HIBADH: variants seen among roughly 807,000 people sequenced by gnomAD.
HIBADH encodes the protein 3-hydroxyisobutyrate dehydrogenase, mitochondrial.
Under a neutral mutation model 36.1 loss-of-function variants are expected in HIBADH, and 25 were observed. That is an observed-to-expected ratio of 0.69 (90% CI 0.50 to 0.97). The LOEUF is 0.97. Among genes scored for constraint, HIBADH ranks in the 50% least tolerant of loss-of-function variants. The pLI, the probability that HIBADH is intolerant of heterozygous loss-of-function variation, is 0.00. For missense variants in HIBADH, 421 were observed against 418.0 expected (o/e 1.01, Z -0.06); for synonymous variants, 160 against 149.5 (o/e 1.07, Z -0.51).
chr7:27,559,588 C>T (rs1053572074), intron 4 of HIBADH, among the ~76,000 whole-genome samples: 14 of 152,066 alleles, frequency 9.2e-5, no homozygotes, highest in African/African-American at 3.4e-4. Context: ...GGTATGATCA[C>T]TCCACTGCAG....
chr7:27,639,743 AT>A lies in HIBADH; in HGVS notation c.253-7299del, dbSNP rs1263286405. On this transcript the variant is annotated intron_variant, in intron 2 of 7. Transcript: ENST00000265395. Reference sequence around the variant, plus strand: ...TGATTTTGTTTTTAAATTAAAAAAAATAAAGGGATACGGAAACGTCCACATA... The same window carrying A: ...TGATTTTGTTTTTAAATTAAAAAAAAAAAGGGATACGGAAACGTCCACATA... Among the ~76,000 whole-genome samples the A allele has an allele frequency of 2.6e-5, 4 of 151,830 alleles. No homozygotes were observed. The East Asian group carries it at 5.8e-4, about 22-fold the overall frequency.
intron 4 of HIBADH, among the ~76,000 whole-genome samples, chr7:27,599,680 CAAAAAAA>C (rs3072889): frequency 1.5e-4 from 6 of 41,070 alleles, no homozygotes; most frequent in African/African-American, 5.9e-4. Flanking sequence ...ACTCTGTCTC[CAAAAAAA>C]AAAAAAAAAA....
At chr7:27,656,245 T>C (rs1054417694) in intron 1 of HIBADH, among the ~76,000 whole-genome samples, 3 of 152,220 alleles carry the variant, frequency 2.0e-5, no homozygotes, top group African/African-American at 4.8e-5. Context: ...CTATGGGCCA[T>C]AGCAATCCCT....
At chr7:27,622,271 A>G (rs747482689) in intron 4 of HIBADH, among the ~76,000 whole-genome samples, 20 of 152,216 alleles carry the variant, frequency 1.3e-4, no homozygotes, top group Non-Finnish European at 2.5e-4. Flanking sequence ...AAATAAGAAA[A>G]CATGGAAATT....
At chr7:27,566,308 A>G (rs1464850561) in intron 4 of HIBADH, among the ~76,000 whole-genome samples, 1 of 151,882 alleles carries the variant, frequency 6.6e-6, no homozygotes, top group Non-Finnish European at 1.5e-5. Flanking sequence ...TCTTTTTCAG[A>G]AAGTTTTTAA....
At position 27,577,164 on chromosome 7, in the gene HIBADH, C is replaced by CTTTTTTTTTTTTTTTTTT. The variant is rs35467427; in HGVS notation, c.485-34065_485-34064insAAAAAAAAAAAAAAAAAA. Among the ~76,000 whole-genome samples the CTTTTTTTTTTTTTTTTTT allele has an allele frequency of 2.8e-5, 4 of 143,888 alleles. 2 individuals carry two copies. Among genetic ancestry groups the CTTTTTTTTTTTTTTTTTT allele is most frequent in the African/African-American group, 5.1e-5 (2 of 39,064 alleles). The allele number at this position is 143,888 out of a possible 152,430, so 94.4% of individuals were successfully genotyped here. A position where few individuals can be genotyped will look rare whatever the true frequency, so the allele number is the denominator to read the frequency against. ...TGTGAACTTTCCAAGCATCATTTCT[C>CTTTTTTTTTTTTTTTTTT]TCTTTTTTTTTTTTTTGAGATGGAG... On this transcript the variant is annotated intron_variant, in intron 4 of 7. Transcript: ENST00000265395.
At chr7:27,660,991 A>G (rs117602490) in intron 1 of HIBADH, among the ~76,000 whole-genome samples, 1 of 152,308 alleles carries the variant, frequency 6.6e-6, no homozygotes, top group Non-Finnish European at 1.5e-5. Flanking sequence ...AACAGCAAAT[A>G]TGTCTTCCTT....
At chr7:27,530,213 T>C (rs1783971180) in intron 7 of HIBADH, among the ~76,000 whole-genome samples, 1 of 152,146 alleles carries the variant, frequency 6.6e-6, no homozygotes, top group Admixed American at 6.5e-5. Context: ...TTTCTTTTTT[T>C]TTTTCTATTT....
In HIBADH at chr7:27,650,279, C is replaced by CAAA. The variant is rs35475209; in HGVS notation, c.92-649_92-647dup. 1.2e-4 allele frequency among the ~76,000 whole-genome samples: 16 copies of CAAA among 138,996 alleles called. No homozygotes were observed. In the East Asian group the frequency reaches 2.7e-3, roughly 23 times the overall value. 91.2% of individuals were successfully genotyped at this position (138,996 alleles called of 152,430 possible). A position where few individuals can be genotyped will look rare whatever the true frequency, so the allele number is the denominator to read the frequency against. On this transcript the variant is annotated intron_variant, in intron 1 of 7. Transcript: ENST00000265395. Reference sequence around the variant, plus strand: ...ACAGAAACCATCCCCTCCAATGATACAAAAAAAAAAAAACTCAAAAAGATG... The same window carrying CAAA: ...ACAGAAACCATCCCCTCCAATGATACAAAAAAAAAAAAAAAACTCAAAAAGATG...
intron 4 of HIBADH, among the ~76,000 whole-genome samples, chr7:27,584,132 T>C (rs1044340422): frequency 6.6e-6 from 1 of 152,048 alleles, no homozygotes; most frequent in African/African-American, 2.4e-5. Flanking sequence ...ATTGTGGATA[T>C]CCTTCTTTTA....
intron 4 of HIBADH, among the ~76,000 whole-genome samples, chr7:27,581,577 G>T (rs550644298): frequency 6.6e-6 from 1 of 152,038 alleles, no homozygotes; most frequent in East Asian, 1.9e-4. Flanking sequence ...AGGTTTAATT[G>T]ATAAAAATTT....
chr7:27,563,024 A>G (rs1336897704), intron 4 of HIBADH, among the ~76,000 whole-genome samples: 1 of 152,150 alleles, frequency 6.6e-6, no homozygotes, highest in Non-Finnish European at 1.5e-5. Context: ...ATACGAAATA[A>G]TTCTCTCACC....
rs559008195 is a variant in HIBADH, at chr7:27,564,144, C to T, written c.485-21044G>A. Among the ~76,000 whole-genome samples the T allele has an allele frequency of 1.1e-3, 171 of 152,168 alleles. 1 individual carries two copies. Among genetic ancestry groups the T allele is most frequent in the South Asian group, 5.0e-3 (24 of 4,820 alleles). ...TGATCTCCTGACCTTGTGATCTGCC[C>T]GCCTCAGCCTCCCAAAGTGCTGGGA... On this transcript the variant is annotated intron_variant, in intron 4 of 7. Transcript: ENST00000265395.
intron 4 of HIBADH, among the ~76,000 whole-genome samples, chr7:27,576,218 T>C (rs1784707494): frequency 6.6e-6 from 1 of 152,186 alleles, no homozygotes; most frequent in Non-Finnish European, 1.5e-5. Flanking sequence ...TAAAAGTAAT[T>C]GTTATTTAGA....
At chr7:27,540,521 G>A (rs1405680741) in intron 5 of HIBADH, among the ~76,000 whole-genome samples, 1 of 152,146 alleles carries the variant, frequency 6.6e-6, no homozygotes, top group Non-Finnish European at 1.5e-5. Flanking sequence ...CACAACATCT[G>A]GACAGTTTTT....
chr7:27,539,468 A>T (rs952935313), intron 5 of HIBADH, among the ~76,000 whole-genome samples: 4 of 151,650 alleles, frequency 2.6e-5, no homozygotes, highest in African/African-American at 9.7e-5. Flanking sequence ...GAGGAGAGAG[A>T]GTGTGTGTGT....
chr7:27,653,928 A>G (rs1489799441), intron 1 of HIBADH, among the ~76,000 whole-genome samples: 1 of 152,216 alleles, frequency 6.6e-6, no homozygotes, highest in East Asian at 1.9e-4. Flanking sequence ...TGTATACTCA[A>G]AAGTCAAAAA....
intron 2 of HIBADH, among the ~76,000 whole-genome samples, chr7:27,640,841 C>T (rs1256506385): frequency 2.0e-5 from 3 of 152,140 alleles, no homozygotes; most frequent in Non-Finnish European, 4.4e-5. Flanking sequence ...AGAATTTGTA[C>T]ATTTAATGAT....
intron 4 of HIBADH, among the ~76,000 whole-genome samples, chr7:27,566,990 T>C (rs1034832386): frequency 1.3e-5 from 2 of 152,190 alleles, no homozygotes; most frequent in Non-Finnish European, 1.5e-5. Flanking sequence ...TGAAGTAGCA[T>C]GTGTTTTCTG....
Sources: allele counts gnomAD v4.1 joint callset (sites outside exome capture counted in the v4.1 genomes callset), GRCh38; gene constraint gnomAD v4.1.1; transcripts MANE v1.5; gene names NCBI Gene and HGNC (gene_info 2026-07-23, HGNC 2026-07-21).